GTF2F2: variants seen among roughly 807,000 people sequenced by gnomAD.
The protein encoded by GTF2F2 is general transcription factor IIF subunit 2.
A neutral mutation model predicts 42.2 loss-of-function variants in GTF2F2; 23 were observed. The observed-to-expected ratio is 0.55, with a 90% CI of 0.39 to 0.77. GTF2F2 has a LOEUF of 0.77. Ranked by LOEUF, GTF2F2 falls within the 30% of genes least tolerant of loss-of-function variation. The pLI, the probability that GTF2F2 is intolerant of heterozygous loss-of-function variation, is 0.00. For synonymous variants in GTF2F2, 105 were observed against 100.8 expected, an observed-to-expected ratio of 1.04 and a Z score of -0.25; for missense variants, 261 against 287.2, an observed-to-expected ratio of 0.91 and a Z score of 0.66.
chr13:45,231,520 C>T (rs192729064), intron 5 of GTF2F2, among the ~76,000 whole-genome samples: 4 of 152,288 alleles, frequency 2.6e-5, no homozygotes, highest in African/African-American at 7.2e-5. Flanking sequence ...CCTGAAACCA[C>T]GTCCACAGAG....
chr13:45,239,149 C>T (rs957398863), intron 5 of GTF2F2, among the ~76,000 whole-genome samples: 3 of 152,094 alleles, frequency 2.0e-5, no homozygotes, highest in Admixed American at 6.5e-5. Flanking sequence ...CATCTGTGTG[C>T]TTGCTTGCAA....
intron 4 of GTF2F2, chr13:45,207,005 A>AACAC (rs10547539): frequency 0.093 from 12,901 of 139,198 alleles, 981 homozygotes; most frequent in African/African-American, 0.2. Context: ...CACATACACA[A>AACAC]ACACACACAC....
At chr13:45,273,473 G>A (rs566433496) in intron 7 of GTF2F2, among the ~76,000 whole-genome samples, 41 of 151,974 alleles carry the variant, frequency 2.7e-4, no homozygotes, top group Non-Finnish European at 5.9e-4. Context: ...GTATTACATG[G>A]ATAAGAGCAA....
chr13:45,234,068 A>G (rs577899976), intron 5 of GTF2F2, among the ~76,000 whole-genome samples: 3 of 152,374 alleles, frequency 2.0e-5, no homozygotes, highest in Admixed American at 6.5e-5. Context: ...AACGCAGATC[A>G]TCATATTAAC....
At chr13:45,242,768 A>G (rs1875382876) in intron 5 of GTF2F2, among the ~76,000 whole-genome samples, 2 of 152,146 alleles carry the variant, frequency 1.3e-5, no homozygotes, top group African/African-American at 4.8e-5. Context: ...TCATTTATTC[A>G]TTTGCTTAAA....
At chr13:45,144,572 G>A (rs1870099866) in intron 2 of GTF2F2, among the ~76,000 whole-genome samples, 1 of 148,992 alleles carries the variant, frequency 6.7e-6, no homozygotes, top group Non-Finnish European at 1.5e-5. Flanking sequence ...CTCCCGAGTA[G>A]CTGGGACTAC....
chr13:45,194,825 C>T, intron 4 of GTF2F2: 1 of 470,588 alleles, frequency 2.1e-6, no homozygotes, highest in Non-Finnish European at 3.7e-6. Flanking sequence ...AAAGGATTTT[C>T]ATGTCTATCC....
intron 4 of GTF2F2, among the ~76,000 whole-genome samples, chr13:45,160,219 G>A (rs917749260): frequency 7.2e-5 from 11 of 152,204 alleles, no homozygotes; most frequent in African/African-American, 2.7e-4. Flanking sequence ...CTTAAGACAA[G>A]CTGGATTTTC....
intron 7 of GTF2F2, among the ~76,000 whole-genome samples, chr13:45,272,435 A>C (rs557960914): frequency 1.0e-3 from 146 of 141,498 alleles, no homozygotes; most frequent in African/African-American, 1.4e-3. Context: ...AAAAAAAAAA[A>C]AAAAACAAAA....
At chr13:45,203,394 A>C (rs1007167930) in intron 4 of GTF2F2, among the ~76,000 whole-genome samples, 2 of 152,016 alleles carry the variant, frequency 1.3e-5, no homozygotes, top group Non-Finnish European at 1.5e-5. Flanking sequence ...CCCATGATTT[A>C]GTTTAGATTT....
chr13:45,175,307 T>TAATA (rs1871821423), intron 4 of GTF2F2, among the ~76,000 whole-genome samples: 1 of 152,260 alleles, frequency 6.6e-6, no homozygotes, highest in Admixed American at 6.5e-5. Flanking sequence ...TATTCCATTG[T>TAATA]GTATATATAC....
At chr13:45,272,969 C>T (rs1390701415) in intron 7 of GTF2F2, among the ~76,000 whole-genome samples, 1 of 141,064 alleles carries the variant, frequency 7.1e-6, no homozygotes, top group African/African-American at 2.7e-5. Flanking sequence ...CTCTGTTGCC[C>T]AGGCTGGAGT....
At chr13:45,207,042 ACG>A (rs1593491320) in intron 4 of GTF2F2, 1 of 170,984 alleles carries the variant, frequency 5.8e-6, no homozygotes, top group East Asian at 1.5e-4. Context: ...ACACACACAC[ACG>A]GTCTTTGATT....
chr13:45,250,280 C>A (rs1202666521), intron 5 of GTF2F2, among the ~76,000 whole-genome samples: 1 of 152,002 alleles, frequency 6.6e-6, no homozygotes, highest in South Asian at 2.1e-4. Flanking sequence ...GTCTTGAACT[C>A]CTGACCTCAA....
chr13:45,277,388 G>A (rs568326385), intron 7 of GTF2F2, among the ~76,000 whole-genome samples: 2 of 152,176 alleles, frequency 1.3e-5, no homozygotes, highest in South Asian at 4.1e-4. Flanking sequence ...AGAGAGTGAG[G>A]CAGGACATGC....
intron 4 of GTF2F2, among the ~76,000 whole-genome samples, chr13:45,157,633 C>A (rs571401654): frequency 1.3e-5 from 2 of 152,012 alleles, no homozygotes; most frequent in Non-Finnish European, 2.9e-5. Flanking sequence ...CACTTGGATT[C>A]TTTTTTTGGT....
intron 7 of GTF2F2, among the ~76,000 whole-genome samples, chr13:45,276,307 G>T (rs1194112207): frequency 1.3e-5 from 2 of 152,090 alleles, no homozygotes; most frequent in Non-Finnish European, 2.9e-5. Flanking sequence ...TCTACGTTGG[G>T]ACTATTATGA....
intron 4 of GTF2F2, among the ~76,000 whole-genome samples, chr13:45,174,233 G>T (rs1871750139): frequency 6.6e-6 from 1 of 152,156 alleles, no homozygotes; most frequent in Admixed American, 6.5e-5. Context: ...GAGTGCATTT[G>T]CTGGGTAATA....
At chr13:45,256,246 AAAGAAAGCCAGGG>A (rs368907734) in intron 6 of GTF2F2, among the ~76,000 whole-genome samples, 52 of 152,266 alleles carry the variant, frequency 3.4e-4, no homozygotes, top group African/African-American at 1.2e-3. Flanking sequence ...ATTGGAAAGG[AAAGAAAGCCAGGG>A]AAGAAAGCCA....
Sources: gnomAD v4.1 joint callset for allele counts (sites outside exome capture counted in the v4.1 genomes callset) on GRCh38, gnomAD v4.1.1 for gene constraint, MANE v1.5 for transcripts, NCBI Gene and HGNC (gene_info 2026-07-23, HGNC 2026-07-21) for gene names.